The following SRD5A2 variants were observed in gnomAD, a reference collection of about 807,000 sequenced individuals.
SRD5A2 encodes 3-oxo-5-alpha-steroid 4-dehydrogenase 2.
SRD5A2 carries 30 observed loss-of-function variants against 27.4 expected under a neutral mutation model. The observed-to-expected ratio is 1.10, with a 90% CI of 0.82 to 1.49. The LOEUF is 1.49. Among genes scored for constraint, SRD5A2 ranks in the 40% most tolerant of loss-of-function variants. The probability of loss-of-function intolerance (pLI) is 0.00; values close to 1 mark genes in which losing one functional copy is unlikely to be tolerated. For synonymous variants in SRD5A2, 141 were observed against 133.6 expected (o/e 1.06, Z -0.38); for missense variants, 348 against 323.4 (o/e 1.08, Z -0.58).
the SRD5A2 span, among the ~76,000 whole-genome samples, chr2:31,653,406 C>T: frequency 6.6e-6 from 1 of 152,284 alleles, no homozygotes; most frequent in Non-Finnish European, 1.5e-5. Context: ...CTCTTTGTAC[C>T]CTCAGCAAAA....
chr2:31,601,646 G>C, the SRD5A2 span, among the ~76,000 whole-genome samples: 2 of 152,008 alleles, frequency 1.3e-5, no homozygotes, highest in African/African-American at 2.4e-5. Flanking sequence ...GCTGAGCACT[G>C]ATGCAAAACT....
At chr2:31,601,693 C>T in the SRD5A2 span, among the ~76,000 whole-genome samples, 1 of 152,098 alleles carries the variant, frequency 6.6e-6, no homozygotes, top group Admixed American at 6.6e-5. Flanking sequence ...TCCAGCAGCA[C>T]ATCCAAAAGC....
the SRD5A2 span, among the ~76,000 whole-genome samples, chr2:31,629,539 G>T: frequency 3.3e-5 from 5 of 152,278 alleles, no homozygotes; most frequent in South Asian, 1.0e-3. Context: ...ACTCAGGTGT[G>T]AGGCTATCTG....
chr2:31,582,871 T>C (rs806645), upstream of SRD5A2, among the ~76,000 whole-genome samples: 97,607 of 151,436 alleles, frequency 0.64, 31,631 homozygotes, highest in Middle Eastern at 0.7. Flanking sequence ...GATTTCATGA[T>C]ACCATACAGC....
At position 31,523,644 on chromosome 2, in the gene SRD5A2, G is replaced by A. The variant is rs1665706627; in HGVS notation, c.*2552C>T. On this transcript the variant is annotated 3_prime_UTR_variant, in exon 5 of 5. Transcript: ENST00000622030. Reference sequence around the variant, plus strand: ...AAACGCCTCTTCCGTGAAAGCTTCAGCAAGACCAAGATAGAGTATCTTGTG... The same window carrying A: ...AAACGCCTCTTCCGTGAAAGCTTCAACAAGACCAAGATAGAGTATCTTGTG... 1 of 220,750 alleles carries A rather than the reference G, an allele frequency of 4.5e-6. No individual in the cohort carries two copies. The highest frequency in any genetic ancestry group is 9.1e-6 in the Non-Finnish European group (1 of 110,196). The allele number at this position is 220,750 out of a possible 1,614,324, so 13.7% of individuals were successfully genotyped here. A position where few individuals can be genotyped will look rare whatever the true frequency, so the allele number is the denominator to read the frequency against.
the SRD5A2 span, among the ~76,000 whole-genome samples, chr2:31,650,444 T>C: frequency 4.3e-4 from 65 of 152,262 alleles, no homozygotes; most frequent in Middle Eastern, 3.4e-3. Context: ...CTGCACTGTG[T>C]CTGTGCTCTC....
At chr2:31,631,235 C>A in the SRD5A2 span, among the ~76,000 whole-genome samples, 1 of 152,132 alleles carries the variant, frequency 6.6e-6, no homozygotes, top group Non-Finnish European at 1.5e-5. Context: ...CAACGTTGGG[C>A]AGGCTAGTAA....
At chr2:31,626,682 A>G in the SRD5A2 span, among the ~76,000 whole-genome samples, 1 of 152,190 alleles carries the variant, frequency 6.6e-6, no homozygotes. Flanking sequence ...ATGTTGAACC[A>G]GCCTTGCATC....
Position 31,529,476 on chromosome 2 carries a change from G to A in SRD5A2, c.548-19C>T. 6.2e-7 allele frequency: 1 copy of A among 1,609,000 alleles called. No individual in the cohort carries two copies. Among genetic ancestry groups the A allele is most frequent in the Non-Finnish European group, 8.5e-7 (1 of 1,176,860 alleles). The stretch of plus-strand genomic sequence containing the variant: ...AAGCCACCTGCGTGCAGAAGAATCG[G>A]AAGGTCAATCATTGCAACTGAATCA... On this transcript the variant is annotated intron_variant, in intron 3 of 4. Coordinates refer to ENST00000622030, the MANE Select transcript of SRD5A2 (RefSeq NM_000348.4).
the SRD5A2 span, among the ~76,000 whole-genome samples, chr2:31,603,714 T>C: frequency 6.6e-6 from 1 of 151,874 alleles, no homozygotes; most frequent in African/African-American, 2.4e-5. Flanking sequence ...TATGCAGCCA[T>C]AAAAAGGAAT....
chr2:31,544,586 T>C (rs1422391487), intron 1 of SRD5A2, among the ~76,000 whole-genome samples: 1 of 151,776 alleles, frequency 6.6e-6, no homozygotes, highest in African/African-American at 2.4e-5. Flanking sequence ...AAACTACAAA[T>C]GATTATATTA....
At chr2:31,608,097 A>G in the SRD5A2 span, among the ~76,000 whole-genome samples, 1 of 152,046 alleles carries the variant, frequency 6.6e-6, no homozygotes, top group African/African-American at 2.4e-5. Context: ...TGACCAGCCT[A>G]TAGTATTCCA....
chr2:31,643,152 T>C, the SRD5A2 span, among the ~76,000 whole-genome samples: 1 of 152,144 alleles, frequency 6.6e-6, no homozygotes, highest in African/African-American at 2.4e-5. Context: ...TCTTAAGATT[T>C]GTGCATTTCA....
At chr2:31,597,427 G>A in the SRD5A2 span, among the ~76,000 whole-genome samples, 1 of 151,684 alleles carries the variant, frequency 6.6e-6, no homozygotes, top group Non-Finnish European at 1.5e-5. Flanking sequence ...AAGAGTTCAT[G>A]AGTAAAAATC....
At chr2:31,612,299 G>A in the SRD5A2 span, among the ~76,000 whole-genome samples, 87,399 of 148,764 alleles carry the variant, frequency 0.59, 25,532 homozygotes, top group African/African-American at 0.64. Context: ...AAAAAAAAAA[G>A]AGAGAGAAAG....
At position 31,523,680 on chromosome 2, in the gene SRD5A2, CTG is replaced by C. The variant is rs1384396385; in HGVS notation, c.*2514_*2515del. ...ATAGAGTATCTTGTGAGCTAGGACA[CTG>C]TTAGATTATTTTAGCCAAAAAACAG... On this transcript the variant is annotated 3_prime_UTR_variant, in exon 5 of 5. Transcript: ENST00000622030. 1.4e-5 allele frequency: 3 copies of C among 221,322 alleles called. No homozygotes were observed. Among genetic ancestry groups the C allele is most frequent in the Admixed American group, 1.2e-4 (2 of 17,380 alleles). The allele number at this position is 221,322 out of a possible 1,614,324, so 13.7% of individuals were successfully genotyped here. A position where few individuals can be genotyped will look rare whatever the true frequency, so the allele number is the denominator to read the frequency against.
the SRD5A2 span, among the ~76,000 whole-genome samples, chr2:31,618,099 A>C: frequency 1.2e-4 from 18 of 152,332 alleles, no homozygotes; most frequent in African/African-American, 4.3e-4. Context: ...TCATGACAGA[A>C]GGAGAATGAG....
At chr2:31,623,302 A>C in the SRD5A2 span, among the ~76,000 whole-genome samples, 3 of 152,290 alleles carry the variant, frequency 2.0e-5, no homozygotes, top group African/African-American at 7.2e-5. Flanking sequence ...TAAAATAAAC[A>C]GCAAGTAAGA....
At chr2:31,577,223 G>C (rs979915026) in intron 1 of SRD5A2, among the ~76,000 whole-genome samples, 1 of 140,618 alleles carries the variant, frequency 7.1e-6, no homozygotes, top group African/African-American at 2.6e-5. Flanking sequence ...TTTGGCAGTG[G>C]GATTAGGCAA....
Sources: allele counts gnomAD v4.1 joint callset (sites outside exome capture counted in the v4.1 genomes callset), GRCh38; gene constraint gnomAD v4.1.1; transcripts MANE v1.5; gene names NCBI Gene and HGNC (gene_info 2026-07-23, HGNC 2026-07-21).